The following SSH1 variants were observed in gnomAD, a reference collection of about 807,000 sequenced individuals.
SSH1 encodes the protein protein phosphatase Slingshot homolog 1.
SSH1 carries 43 observed loss-of-function variants against 79.7 expected under a neutral mutation model. The observed-to-expected ratio is 0.54, with a 90% CI of 0.42 to 0.70. SSH1 has a LOEUF of 0.70. Ranked by LOEUF, SSH1 falls within the 30% of genes least tolerant of loss-of-function variation. SSH1 has a pLI of 0.00. For synonymous variants in SSH1, 599 were observed against 538.3 expected (o/e 1.11, Z -1.56); for missense variants, 1,206 against 1,358.8 (o/e 0.89, Z 1.77).
rs1183282676 is a variant in SSH1, at chr12:108,809,720, A to C, written c.509T>G (p.Phe170Cys). Residue 170 changes from phenylalanine to cysteine, a missense_variant, in exon 7 of 15, where the codon TTT (phenylalanine) becomes TGT (cysteine). Coordinates refer to ENST00000326495, the MANE Select transcript of SSH1 (RefSeq NM_018984.4). ...CATGGCCTGGACAGACACAGGCTTA[A>C]ATATGTGCATCCTTCCTGCTGTGCT... ...SVSTAGRMHI[F>C]KPVSVQAMWS... 1.9e-6 allele frequency: 3 copies of C among 1,613,942 alleles called. No homozygotes were observed. Among genetic ancestry groups the C allele is most frequent in the Non-Finnish European group, 2.5e-6 (3 of 1,179,964 alleles).
intron 2 of SSH1, among the ~76,000 whole-genome samples, chr12:108,847,111 C>T (rs2038915115): frequency 6.6e-6 from 1 of 152,122 alleles, no homozygotes; most frequent in Non-Finnish European, 1.5e-5. Flanking sequence ...GTTGTGTAGG[C>T]TGGTCTCAAA....
chr12:108,797,024 G>A (rs1028822684), intron 13 of SSH1, among the ~76,000 whole-genome samples: 6 of 152,214 alleles, frequency 3.9e-5, no homozygotes, highest in Non-Finnish European at 7.3e-5. Context: ...TTACAGGCAT[G>A]AGCCACAATG....
In SSH1 at chr12:108,783,184, TATGGGACACAGC is replaced by T. The variant is rs1466034413; in HGVS notation, c.*4792_*4803del. The T allele has an allele frequency of 6.6e-6, 1 of 152,142 alleles. No homozygotes were observed. Among genetic ancestry groups the T allele is most frequent in the East Asian group, 1.9e-4 (1 of 5,186 alleles). The allele number at this position is 152,142 out of a possible 1,614,324, so 9.4% of individuals were successfully genotyped here. A position where few individuals can be genotyped will look rare whatever the true frequency, so the allele number is the denominator to read the frequency against. ...CAAGCTACGTTCTTTCATTGGCTCC[TATGGGACACAGC>T]ATGGGCCAATGCCTGCCTGGCCTGC... On this transcript the variant is annotated 3_prime_UTR_variant, in exon 15 of 15. Coordinates refer to ENST00000326495, the MANE Select transcript of SSH1 (RefSeq NM_018984.4).
rs564813005 is a variant in SSH1 at position 108,791,910 on chromosome 12, G to A, written c.1893+376C>T. On this transcript the variant is annotated intron_variant, in intron 14 of 14. Coordinates refer to ENST00000326495, the MANE Select transcript of SSH1 (RefSeq NM_018984.4). ...AGATGAAAAAGAATAGTCATATATC[G>A]ATAAAGGCTGAAGTTGGCTGATAAA... The A allele has an allele frequency of 1.8e-5, 23 of 1,299,990 alleles. No individual in the cohort carries two copies. The African/African-American group carries it at 2.1e-4, about 12-fold the overall frequency. The allele number at this position is 1,299,990 out of a possible 1,614,324, so 80.5% of individuals were successfully genotyped here.
At chr12:108,804,789 A>G (rs558514033) in intron 10 of SSH1, among the ~76,000 whole-genome samples, 1 of 152,360 alleles carries the variant, frequency 6.6e-6, no homozygotes, top group South Asian at 2.1e-4. Context: ...TCTGAAACAC[A>G]TGCCAGTTGA....
Position 108,826,752 on chromosome 12 carries a change from AC to A in SSH1, c.111-3392del, listed in dbSNP as rs553897538. Among the ~76,000 whole-genome samples, 699 of 152,142 alleles carry A rather than the reference AC, an allele frequency of 4.6e-3. 4 individuals carry two copies. Among genetic ancestry groups the A allele is most frequent in the Non-Finnish European group, 6.8e-3 (462 of 68,012 alleles). On this transcript the variant is annotated intron_variant, in intron 2 of 14. Coordinates refer to ENST00000326495, the MANE Select transcript of SSH1 (RefSeq NM_018984.4). ...GAGGCACAGGCTCCCGATTCATCAGACCCTCAAAGTGTCCCACTGGGGAAGT... is the reference window on the plus strand; with the variant it reads ...GAGGCACAGGCTCCCGATTCATCAGACCTCAAAGTGTCCCACTGGGGAAGT...
intron 8 of SSH1, 64 bp from the exon 9 acceptor site, chr12:108,806,458 G>A: frequency 6.9e-7 from 1 of 1,440,490 alleles, no homozygotes; most frequent in Non-Finnish European, 9.8e-7. Context: ...GAGGTTACAG[G>A]AATGCCAGAT....
chr12:108,823,465 T>G (rs1213642974), intron 2 of SSH1, 104 bp from the exon 3 acceptor site: 1 of 900,656 alleles, frequency 1.1e-6, no homozygotes, highest in Non-Finnish European at 1.8e-6. Flanking sequence ...AAATGGCATG[T>G]AAAATGCAAA....
chr12:108,838,415 A>G (rs2038692281), intron 2 of SSH1, among the ~76,000 whole-genome samples: 1 of 151,810 alleles, frequency 6.6e-6, no homozygotes, highest in Non-Finnish European at 1.5e-5. Flanking sequence ...GGCCTCTCAC[A>G]TACACGGCTC....
chr12:108,823,154 T>C, intron 3 of SSH1, 104 bp downstream of exon 3: 1 of 1,126,582 alleles, frequency 8.9e-7, no homozygotes, highest in South Asian at 1.3e-5. Context: ...CTGCGTCCAC[T>C]ATGTCTAAGG....
intron 1 of SSH1, chr12:108,852,998 G>C (rs1427521035): frequency 1.0e-6 from 1 of 985,256 alleles, no homozygotes; most frequent in Non-Finnish European, 1.2e-6. Context: ...AACTTTCCGA[G>C]GTTGTTCTGG....
intron 11 of SSH1, among the ~76,000 whole-genome samples, chr12:108,801,153 G>A (rs1255365161): frequency 6.6e-6 from 1 of 152,044 alleles, no homozygotes; most frequent in Non-Finnish European, 1.5e-5. Flanking sequence ...CCAAATTATT[G>A]TAAAGACCTT....
At position 108,787,718 on chromosome 12, in the gene SSH1, C is replaced by G; in HGVS notation, c.*270G>C. ...TGCACGTTCTTCCTAAAACATGGTT[C>G]TTCTTGAAGACACGGTGGGAGCGGA... On this transcript the variant is annotated 3_prime_UTR_variant, in exon 15 of 15. Coordinates refer to ENST00000326495, the MANE Select transcript of SSH1 (RefSeq NM_018984.4). 1 of 513,980 alleles carries G rather than the reference C, an allele frequency of 1.9e-6. No individual in the cohort carries two copies. Among genetic ancestry groups the G allele is most frequent in the Non-Finnish European group, 3.5e-6 (1 of 283,942 alleles). 31.8% of individuals were successfully genotyped at this position (513,980 alleles called of 1,614,324 possible).
rs2036873804 is a variant in SSH1, at chr12:108,799,070, G to A, written c.1279C>T (p.Arg427Cys). 3.7e-6 allele frequency: 6 copies of A among 1,614,144 alleles called. No homozygotes were observed. The highest frequency in any genetic ancestry group is 2.2e-5 in the East Asian group (1 of 44,888). The stretch of plus-strand genomic sequence containing the variant: ...CCCGCGTTGGGGCGCGTGATGCTGC[G>A]CTTCTGCTTTACATAGTTATATGCT... Reference protein sequence around the residue: ...EKAYNYVKQKRSITRPNAGFM... With the variant: ...EKAYNYVKQKCSITRPNAGFM... The change falls in exon 13 of 15, where the codon CGC becomes TGC. Residue 427 changes from arginine to cysteine, a missense_variant. By Grantham distance (180) the Arg-to-Cys change is radical. Around this residue, in one of 5 missense-constraint regions of SSH1, gnomAD observed 166 missense variants for 262.9 expected, o/e 0.63. Coordinates refer to ENST00000326495, the MANE Select transcript of SSH1 (RefSeq NM_018984.4).
intron 10 of SSH1, 121 bp from the exon 11 acceptor site, chr12:108,802,489 CA>C: frequency 1.2e-6 from 1 of 820,810 alleles, no homozygotes; most frequent in Non-Finnish European, 2.1e-6. Context: ...CCATTGGCCT[CA>C]GAGAACAGAG....
intron 2 of SSH1, chr12:108,827,594 C>G: frequency 1.6e-6 from 2 of 1,242,966 alleles, no homozygotes; most frequent in South Asian, 3.6e-5. Flanking sequence ...GGCCATTCAG[C>G]AAAACAGCTG....
At position 108,783,595 on chromosome 12, in the gene SSH1, A is replaced by G. The variant is rs1413044305; in HGVS notation, c.*4393T>C. On this transcript the variant is annotated 3_prime_UTR_variant, in exon 15 of 15. Transcript: ENST00000326495. Reference sequence around the variant, plus strand: ...AGCCGGGGCCCCAGCACCTATGGCCAAACAAGAAGACGGCAGTCTCTCCAG... The same window carrying G: ...AGCCGGGGCCCCAGCACCTATGGCCGAACAAGAAGACGGCAGTCTCTCCAG... The G allele has an allele frequency of 6.6e-6, 1 of 152,252 alleles. No individual in the cohort carries two copies. Among genetic ancestry groups the G allele is most frequent in the Non-Finnish European group, 1.5e-5 (1 of 68,076 alleles). 9.4% of individuals were successfully genotyped at this position (152,252 alleles called of 1,614,324 possible). A position where few individuals can be genotyped will look rare whatever the true frequency, so the allele number is the denominator to read the frequency against.
rs1158848832 is a variant in SSH1 at position 108,785,404 on chromosome 12, G to C, written c.*2584C>G. ...CCCAAAGTGCTAGGATTACAGGCGT[G>C]AGCCACCGCGCCCGGCCCCATCATA... On this transcript the variant is annotated 3_prime_UTR_variant, in exon 15 of 15. Coordinates refer to ENST00000326495, the MANE Select transcript of SSH1 (RefSeq NM_018984.4). 6.6e-6 allele frequency: 1 copy of C among 152,292 alleles called. No homozygotes were observed. The highest frequency in any genetic ancestry group is 1.5e-5 in the Non-Finnish European group (1 of 68,102). The allele number at this position is 152,292 out of a possible 1,614,324, so 9.4% of individuals were successfully genotyped here.
chr12:108,810,476 C>T (rs1490717502), intron 6 of SSH1, among the ~76,000 whole-genome samples: 1 of 151,532 alleles, frequency 6.6e-6, no homozygotes, highest in Non-Finnish European at 1.5e-5. Flanking sequence ...GAGCCGAGAT[C>T]GTACCACTGC....
Sources: gnomAD v4.1 joint callset for allele counts (sites outside exome capture counted in the v4.1 genomes callset) on GRCh38, gnomAD v4.1.1 for gene constraint, gnomAD v4.1.1 regional missense constraint, MANE v1.5 for transcripts, NCBI Gene and HGNC (gene_info 2026-07-23, HGNC 2026-07-21) for gene names.